CTBP2: variants seen among roughly 807,000 people sequenced by gnomAD.
CTBP2 encodes the protein C-terminal binding protein 2.
Under a neutral mutation model 80.3 loss-of-function variants are expected in CTBP2, and 30 were observed. The ratio of observed to expected loss-of-function variants is 0.37; its 90% CI spans 0.28 to 0.51. The LOEUF (loss-of-function observed/expected upper bound fraction) is 0.51. CTBP2 is among the 20% of genes least tolerant of loss of function. The pLI is 0.93. For synonymous variants in CTBP2, 594 were observed against 587.4 expected (o/e 1.01, Z -0.16); for missense variants, 1,212 against 1,375.3 (o/e 0.88, Z 1.88).
intron 1 of CTBP2, among the ~76,000 whole-genome samples, chr10:125,118,484 G>A (rs2176848): frequency 6.6e-6 from 1 of 152,150 alleles, no homozygotes; most frequent in African/African-American, 2.4e-5. Context: ...GTGGATCCAC[G>A]AGCAAGCAGC....
chr10:125,062,845 C>T (rs558093011), intron 2 of CTBP2, among the ~76,000 whole-genome samples: 18 of 152,322 alleles, frequency 1.2e-4, no homozygotes, highest in African/African-American at 4.1e-4. Flanking sequence ...GGCAACAAAG[C>T]GAGACTCTAT....
chr10:125,040,250 T>C (rs1048731846), intron 2 of CTBP2, among the ~76,000 whole-genome samples: 1 of 151,764 alleles, frequency 6.6e-6, no homozygotes, highest in Non-Finnish European at 1.5e-5. Flanking sequence ...AGGTCAGGAG[T>C]TCGAGACCAG....
chr10:125,158,902 G>A (rs1299862045), intron 1 of CTBP2, among the ~76,000 whole-genome samples: 1 of 152,056 alleles, frequency 6.6e-6, no homozygotes, highest in East Asian at 2.0e-4. Context: ...AGCCACGGGA[G>A]GGAGTGTGTG....
chr10:125,019,251 C>A (rs964123712), intron 1 of CTBP2, among the ~76,000 whole-genome samples: 4 of 152,144 alleles, frequency 2.6e-5, no homozygotes, highest in Non-Finnish European at 5.9e-5. Context: ...GACAACTGCA[C>A]GTTTAATCAC....
chr10:125,068,083 G>A (rs547670316), intron 2 of CTBP2, among the ~76,000 whole-genome samples: 5 of 152,308 alleles, frequency 3.3e-5, no homozygotes, highest in African/African-American at 1.2e-4. Flanking sequence ...GCCCCAACAA[G>A]CAGCCAGAAA....
intron 1 of CTBP2, chr10:125,026,037 C>G (rs1354544417): frequency 6.5e-7 from 1 of 1,529,828 alleles, no homozygotes; most frequent in Non-Finnish European, 8.8e-7. Flanking sequence ...CACCCCCCTG[C>G]TCCCCCCAGG....
At chr10:125,062,131 C>T (rs1965085501) in intron 2 of CTBP2, among the ~76,000 whole-genome samples, 1 of 152,114 alleles carries the variant, frequency 6.6e-6, no homozygotes, top group Admixed American at 6.5e-5. Flanking sequence ...GCTGGAGAAG[C>T]AGAACCCAGC....
At chr10:125,082,833 C>T (rs192186943) in intron 2 of CTBP2, among the ~76,000 whole-genome samples, 3 of 152,134 alleles carry the variant, frequency 2.0e-5, no homozygotes, top group Non-Finnish European at 2.9e-5. Context: ...AAATGATCCG[C>T]TCGCCTCGGC....
At chr10:125,062,274 G>T (rs113618131) in intron 2 of CTBP2, among the ~76,000 whole-genome samples, 90 of 152,286 alleles carry the variant, frequency 5.9e-4, no homozygotes, top group African/African-American at 2.0e-3. Context: ...CTCAGCAAAT[G>T]TTAGTCCTTT....
At chr10:125,123,265 G>A (rs952244898) in intron 1 of CTBP2, among the ~76,000 whole-genome samples, 2 of 152,154 alleles carry the variant, frequency 1.3e-5, no homozygotes, top group African/African-American at 2.4e-5. Flanking sequence ...ACCTACCCGT[G>A]CTAAAATTGC....
intron 2 of CTBP2, among the ~76,000 whole-genome samples, chr10:125,069,344 G>T (rs775260437): frequency 1.8e-4 from 28 of 152,226 alleles, no homozygotes; most frequent in Non-Finnish European, 3.1e-4. Flanking sequence ...ATGGCCAAGT[G>T]CGGTGGCTCA....
chr10:124,993,831 G>C (rs1953063712), intron 6 of CTBP2, 24 bp downstream of exon 8: 1 of 1,602,338 alleles, frequency 6.2e-7, no homozygotes, highest in South Asian at 1.1e-5. Context: ...TGGGCTCCTG[G>C]TAGGCGGCTG....
upstream of CTBP2, among the ~76,000 whole-genome samples, chr10:125,161,355 C>T (rs1565083529): frequency 1.3e-5 from 2 of 151,978 alleles, no homozygotes. Context: ...TCCCCTGGCC[C>T]TTCATCCTCC....
chr10:125,056,585 C>T (rs941935414), intron 2 of CTBP2, among the ~76,000 whole-genome samples: 10 of 152,208 alleles, frequency 6.6e-5, no homozygotes, highest in African/African-American at 2.4e-4. Context: ...GCTGAAAACT[C>T]ACTCCCTCTA....
chr10:125,146,677 C>T (rs368704718), intron 1 of CTBP2, among the ~76,000 whole-genome samples: 15 of 152,130 alleles, frequency 9.9e-5, no homozygotes, highest in African/African-American at 2.9e-4. Flanking sequence ...AACTAACTGC[C>T]GGACAGGCAC....
intron 2 of CTBP2, among the ~76,000 whole-genome samples, chr10:125,096,316 T>C (rs1484403439): frequency 6.6e-6 from 1 of 152,202 alleles, no homozygotes; most frequent in Non-Finnish European, 1.5e-5. Context: ...TTGCTGAACC[T>C]ACCCCATGGG....
upstream of CTBP2, among the ~76,000 whole-genome samples, chr10:125,031,680 G>C (rs1011404549): frequency 6.6e-6 from 1 of 152,070 alleles, no homozygotes; most frequent in African/African-American, 2.4e-5. Flanking sequence ...TCTAAATCAC[G>C]CAAGCACACA....
At chr10:125,131,953 T>C (rs1162274135) in intron 1 of CTBP2, among the ~76,000 whole-genome samples, 1 of 152,134 alleles carries the variant, frequency 6.6e-6, no homozygotes, top group Non-Finnish European at 1.5e-5. Flanking sequence ...GCAGGGCCCT[T>C]TGGTGGACAG....
At chr10:125,117,411 C>T (rs551615682) in intron 1 of CTBP2, among the ~76,000 whole-genome samples, 1 of 152,238 alleles carries the variant, frequency 6.6e-6, no homozygotes, top group East Asian at 1.9e-4. Flanking sequence ...TGCCCTCTAA[C>T]AAGGACTTCA....
Sources: allele counts gnomAD v4.1 joint callset (sites outside exome capture counted in the v4.1 genomes callset), GRCh38; gene constraint gnomAD v4.1.1; transcripts MANE v1.5; gene names NCBI Gene and HGNC (gene_info 2026-07-23, HGNC 2026-07-21).